Variants in FHL5 observed in about 807,000 individuals in gnomAD.
The protein encoded by FHL5 is four and a half LIM domains protein 5.
A neutral mutation model predicts 32.0 loss-of-function variants in FHL5; 33 were observed. That is an observed-to-expected ratio of 1.03 (90% CI 0.78 to 1.38). The LOEUF (loss-of-function observed/expected upper bound fraction) is 1.38, where lower values mean the gene tolerates loss of function less well. FHL5 is among the 40% of genes most tolerant of loss of function. The pLI is 0.00. For missense variants in FHL5, 336 were observed against 343.9 expected, an observed-to-expected ratio of 0.98 and a Z score of 0.18; for synonymous variants, 114 against 113.6, an observed-to-expected ratio of 1.00 and a Z score of -0.02.
chr6:96,565,302 T>A (rs928372922), intron 1 of FHL5, among the ~76,000 whole-genome samples: 1 of 152,140 alleles, frequency 6.6e-6, no homozygotes, highest in Non-Finnish European at 1.5e-5. Context: ...TTGAAAACAA[T>A]AGTGTGATGT....
chr6:96,614,461 A>T (rs1226811421), intron 5 of FHL5, among the ~76,000 whole-genome samples: 1 of 152,224 alleles, frequency 6.6e-6, no homozygotes, highest in African/African-American at 2.4e-5. Context: ...CTACTAAATT[A>T]TATATGAAGA....
intron 4 of FHL5, among the ~76,000 whole-genome samples, chr6:96,607,203 C>A (rs190962268): frequency 2.5e-4 from 37 of 150,672 alleles, no homozygotes; most frequent in African/African-American, 9.0e-4. Context: ...CCTTGACCTG[C>A]GAGGCATCAT....
intron 1 of FHL5, among the ~76,000 whole-genome samples, chr6:96,578,436 C>T (rs1393095879): frequency 6.6e-6 from 1 of 152,158 alleles, no homozygotes. Context: ...AAATGAGTCA[C>T]TAAACTGGCA....
At chr6:96,580,528 T>C (rs536422285) in intron 1 of FHL5, among the ~76,000 whole-genome samples, 191 of 152,162 alleles carry the variant, frequency 1.3e-3, no homozygotes, top group African/African-American at 4.2e-3. Flanking sequence ...TTGAAAAAGG[T>C]TTAAGCCAGA....
chr6:96,567,875 G>A (rs1206960793), intron 1 of FHL5, among the ~76,000 whole-genome samples: 2 of 113,948 alleles, frequency 1.8e-5, no homozygotes, highest in Non-Finnish European at 3.6e-5. Flanking sequence ...CTGTTTATCA[G>A]TTCTGAGATT....
At chr6:96,586,951 G>A (rs527491960) in intron 1 of FHL5, among the ~76,000 whole-genome samples, 3 of 152,276 alleles carry the variant, frequency 2.0e-5, no homozygotes, top group South Asian at 4.1e-4. Flanking sequence ...GATGAAACAC[G>A]GCTTTGCCAG....
chr6:96,604,813 T>C lies in FHL5; in HGVS notation c.223T>C (p.Ser75Pro), dbSNP rs1304202940. The change falls in exon 3 of 6, where the codon TCT becomes CCT. Residue 75 changes from serine (S) to proline (P), a missense_variant. Transcript: ENST00000450218. Reference sequence around the variant, plus strand: ...CTTCAAGTGCACCAAATGCAATCACTCTTTGGTGGAAAAGCCTTTTGCTGC... The same window carrying C: ...CTTCAAGTGCACCAAATGCAATCACCCTTTGGTGGAAAAGCCTTTTGCTGC... ...GCFKCTKCNH[S>P]LVEKPFAAKD... 1.2e-6 allele frequency: 2 copies of C among 1,613,778 alleles called. No homozygotes were observed. The highest frequency in any genetic ancestry group is 1.7e-6 in the Non-Finnish European group (2 of 1,179,766).
At chr6:96,575,976 C>T (rs895418816) in intron 1 of FHL5, among the ~76,000 whole-genome samples, 4 of 152,114 alleles carry the variant, frequency 2.6e-5, no homozygotes, top group African/African-American at 7.2e-5. Flanking sequence ...TTTTTGTTAT[C>T]CAAGTATGGA....
chr6:96,566,040 A>G (rs1770350538), intron 1 of FHL5, among the ~76,000 whole-genome samples: 1 of 152,072 alleles, frequency 6.6e-6, no homozygotes, highest in African/African-American at 2.4e-5. Flanking sequence ...ATTTGAAAAT[A>G]TACAATAAAT....
At chr6:96,600,126 A>T (rs145366442) in intron 1 of FHL5, among the ~76,000 whole-genome samples, 1 of 152,314 alleles carries the variant, frequency 6.6e-6, no homozygotes, top group East Asian at 1.9e-4. Context: ...AAATTGTAAG[A>T]TAGTAAAAAG....
intron 1 of FHL5, among the ~76,000 whole-genome samples, chr6:96,596,962 T>G (rs563700488): frequency 6.6e-6 from 1 of 152,248 alleles, no homozygotes; most frequent in African/African-American, 2.4e-5. Flanking sequence ...ATTCACTTTT[T>G]AAGTCCTACT....
In FHL5 at chr6:96,616,885, G is replaced by A. The variant is rs1013865238; in HGVS notation, c.*1113G>A. Among the ~76,000 whole-genome samples the A allele has an allele frequency of 7.3e-5, 11 of 151,394 alleles. No homozygotes were observed. The highest frequency in any genetic ancestry group is 2.7e-4 in the African/African-American group (11 of 40,978). The stretch of plus-strand genomic sequence containing the variant: ...CTGCAAAGCAGCACAATAGAGTAAT[G>A]TGGGCTGTAGGCGAGCCCTCCCCAC... On this transcript the variant is annotated 3_prime_UTR_variant, in exon 6 of 6. Coordinates refer to ENST00000450218, the MANE Select transcript of FHL5 (RefSeq NM_001322466.2).
intron 1 of FHL5, among the ~76,000 whole-genome samples, chr6:96,602,977 A>G (rs1562062685): frequency 6.6e-6 from 1 of 152,190 alleles, no homozygotes; most frequent in Non-Finnish European, 1.5e-5. Context: ...TAAAGCTAGC[A>G]GAAAACAGAG....
intron 1 of FHL5, among the ~76,000 whole-genome samples, chr6:96,582,431 T>A (rs1770713929): frequency 6.6e-6 from 1 of 152,168 alleles, no homozygotes; most frequent in African/African-American, 2.4e-5. Flanking sequence ...TTTGATAAAA[T>A]ATTGTTATAT....
At chr6:96,569,609 A>G (rs553438218) in intron 1 of FHL5, among the ~76,000 whole-genome samples, 2 of 152,084 alleles carry the variant, frequency 1.3e-5, no homozygotes, top group African/African-American at 4.8e-5. Context: ...ATGTTGTGGT[A>G]TTGGATGTGT....
intron 1 of FHL5, among the ~76,000 whole-genome samples, chr6:96,589,897 A>T (rs1042932239): frequency 8.5e-5 from 13 of 152,052 alleles, no homozygotes; most frequent in African/African-American, 2.9e-4. Flanking sequence ...AAATAAATAC[A>T]ATTGACCCAA....
At chr6:96,569,905 T>C (rs1459244857) in intron 1 of FHL5, among the ~76,000 whole-genome samples, 2 of 151,816 alleles carry the variant, frequency 1.3e-5, no homozygotes, top group Non-Finnish European at 2.9e-5. Flanking sequence ...AAGGTTATTA[T>C]TGATAAGTGA....
intron 4 of FHL5, among the ~76,000 whole-genome samples, chr6:96,608,026 A>C (rs967351772): frequency 2.0e-5 from 3 of 152,048 alleles, no homozygotes; most frequent in South Asian, 4.2e-4. Context: ...AAAGAAAATA[A>C]AATCTTGCTG....
intron 2 of FHL5, 32 bp from the exon 3 acceptor site, chr6:96,604,718 C>T (rs1242066994): frequency 7.0e-6 from 11 of 1,567,722 alleles, no homozygotes; most frequent in Non-Finnish European, 9.5e-6. Flanking sequence ...GTCACAACCA[C>T]ATTTAATTAA....
Sources: gnomAD v4.1 joint callset for allele counts (sites outside exome capture counted in the v4.1 genomes callset) on GRCh38, gnomAD v4.1.1 for gene constraint, MANE v1.5 for transcripts, NCBI Gene and HGNC (gene_info 2026-07-23, HGNC 2026-07-21) for gene names.